SCN8A: variants seen among roughly 807,000 people sequenced by gnomAD.
SCN8A encodes sodium voltage-gated channel alpha subunit 8, also known as sodium channel protein type 8 subunit alpha.
A neutral mutation model predicts 184.1 loss-of-function variants in SCN8A; 30 were observed. That is an observed-to-expected ratio of 0.16 (90% CI 0.12 to 0.22). SCN8A has a LOEUF of 0.22. Ranked by LOEUF, SCN8A falls within the 10% of genes least tolerant of loss-of-function variation. The pLI is 1.00. For missense variants in SCN8A, 1,057 were observed against 2,498.9 expected (o/e 0.42, Z 12.30); for synonymous variants, 852 against 907.0 (o/e 0.94, Z 1.09).
At chr12:51,735,180 C>T (rs1039498053) in intron 12 of SCN8A, among the ~76,000 whole-genome samples, 5 of 152,078 alleles carry the variant, frequency 3.3e-5, no homozygotes, top group African/African-American at 7.2e-5. Context: ...GAACTTTTGC[C>T]GTACTTTTTG....
At chr12:51,712,646 A>G in intron 11 of SCN8A, 4 of 798,892 alleles carry the variant, frequency 5.0e-6, no homozygotes, top group Middle Eastern at 2.5e-4. Context: ...ACCACCGCCA[A>G]AATTTCCTCC....
chr12:51,664,093 G>A (rs777335543), intron 2 of SCN8A, among the ~76,000 whole-genome samples: 2 of 151,634 alleles, frequency 1.3e-5, no homozygotes, highest in Non-Finnish European at 2.9e-5. Context: ...GGAACCATTA[G>A]TCTGTTCTTT....
rs567442234 is a variant in SCN8A, at chr12:51,680,742, CTTTAATCCCAGCCCTT to C, written c.277-3430_277-3415del. ...TCCTGCCAGGCGCGGTGACTCACGC[CTTTAATCCCAGCCCTT>C]TGGGAGGCTGAGGCAGGCGGATCAT... On this transcript the variant is annotated intron_variant, in intron 2 of 26. Coordinates refer to ENST00000627620, the MANE Select transcript of SCN8A (RefSeq NM_001330260.2). Among the ~76,000 whole-genome samples the C allele has an allele frequency of 9.8e-5, 15 of 152,324 alleles. No individual in the cohort carries two copies. In the South Asian group the frequency reaches 1.7e-3, roughly 17 times the overall value.
chr12:51,705,191 A>T (rs1029414301), intron 9 of SCN8A, among the ~76,000 whole-genome samples: 8 of 152,140 alleles, frequency 5.3e-5, no homozygotes, highest in African/African-American at 1.9e-4. Flanking sequence ...TTTTTTTGTC[A>T]CAATGGTTGG....
At chr12:51,612,109 GA>G (rs1939732809) in intron 1 of SCN8A, among the ~76,000 whole-genome samples, 1 of 152,122 alleles carries the variant, frequency 6.6e-6, no homozygotes, top group African/African-American at 2.4e-5. Context: ...TGATTTTAGG[GA>G]AAAAACATTC....
At chr12:51,753,618 G>A (rs919833246) in intron 14 of SCN8A, among the ~76,000 whole-genome samples, 1 of 152,192 alleles carries the variant, frequency 6.6e-6, no homozygotes, top group Non-Finnish European at 1.5e-5. Flanking sequence ...TTGGAAGTCA[G>A]AAGATTTGGG....
chr12:51,809,888 A>AT lies in SCN8A; in HGVS notation c.*2465dup, dbSNP rs1440927023. 3 of 152,188 alleles carry AT rather than the reference A, an allele frequency of 2.0e-5. No homozygotes were observed. The highest frequency in any genetic ancestry group is 2.9e-5 in the Non-Finnish European group (2 of 68,030). The allele number at this position is 152,188 out of a possible 1,614,324, so 9.4% of individuals were successfully genotyped here. A position where few individuals can be genotyped will look rare whatever the true frequency, so the allele number is the denominator to read the frequency against. ...CCCAAACCAGACAGACAGACAAAAA[A>AT]TTTTTTATTGCTAATGGTCTTTTCC... is the stretch of plus-strand genomic sequence containing the variant. On this transcript the variant is annotated 3_prime_UTR_variant, in exon 27 of 27. Coordinates refer to ENST00000627620, the MANE Select transcript of SCN8A (RefSeq NM_001330260.2).
At chr12:51,609,401 A>G (rs1327466357) in intron 1 of SCN8A, among the ~76,000 whole-genome samples, 1 of 152,048 alleles carries the variant, frequency 6.6e-6, no homozygotes, top group African/African-American at 2.4e-5. Flanking sequence ...GTCCCCCACT[A>G]TTATTGTGTT....
At chr12:51,661,798 AT>A (rs1940930394) in intron 1 of SCN8A, among the ~76,000 whole-genome samples, 1 of 152,214 alleles carries the variant, frequency 6.6e-6, no homozygotes, top group South Asian at 2.1e-4. Flanking sequence ...CCAGGGATTG[AT>A]TCCTCCATTT....
At chr12:51,763,943 A>G (rs556940718) in intron 15 of SCN8A, among the ~76,000 whole-genome samples, 1 of 152,386 alleles carries the variant, frequency 6.6e-6, no homozygotes, top group East Asian at 1.9e-4. Context: ...TCACTCAGTC[A>G]AAGTCACAAA....
chr12:51,793,060 G>A (rs1938310919), intron 25 of SCN8A, among the ~76,000 whole-genome samples: 1 of 152,082 alleles, frequency 6.6e-6, no homozygotes, highest in South Asian at 2.1e-4. Context: ...TGATCCATTT[G>A]TTTTAAATCA....
chr12:51,807,547 T>G lies in SCN8A; in HGVS notation c.*118T>G. On this transcript the variant is annotated 3_prime_UTR_variant, in exon 27 of 27. Transcript: ENST00000627620. This position sits in a 1 kb window ranked among gnomAD's most constrained non-coding sequence, Gnocchi z 4.5. ...GTGGAGACTCTAACCTGAAGATCTA[T>G]ACCAAACGTCGTCTGCTTACCACGT... 1.8e-6 allele frequency: 2 copies of G among 1,128,246 alleles called. No individual in the cohort carries two copies. Among genetic ancestry groups the G allele is most frequent in the Non-Finnish European group, 2.6e-6 (2 of 775,312 alleles). 69.9% of individuals were successfully genotyped at this position (1,128,246 alleles called of 1,614,324 possible). A position where few individuals can be genotyped will look rare whatever the true frequency, so the allele number is the denominator to read the frequency against.
At chr12:51,775,535 G>A (rs896923607) in intron 20 of SCN8A, among the ~76,000 whole-genome samples, 3 of 152,150 alleles carry the variant, frequency 2.0e-5, no homozygotes, top group African/African-American at 7.2e-5. Flanking sequence ...GCCCTAGAGG[G>A]TACCAACGTG....
chr12:51,630,550 G>A (rs1017343060), intron 1 of SCN8A, among the ~76,000 whole-genome samples: 3 of 151,930 alleles, frequency 2.0e-5, no homozygotes, highest in African/African-American at 4.8e-5. Flanking sequence ...TTTGGCTATT[G>A]TGAATGATGT....
chr12:51,650,061 C>A (rs1940675433), intron 1 of SCN8A, among the ~76,000 whole-genome samples: 1 of 152,300 alleles, frequency 6.6e-6, no homozygotes, highest in South Asian at 2.1e-4. Flanking sequence ...TTCCACAGAT[C>A]TCTAGGGCAA....
At position 51,740,208 on chromosome 12, in the gene SCN8A, G is replaced by A. The variant is rs148241276; in HGVS notation, c.1999-5695G>A. On this transcript the variant is annotated intron_variant, in intron 12 of 26. Transcript: ENST00000627620. ...TATGAACATGTTACAGTGCTGCAGA[G>A]ATTTTGTTTATGGCCAGTTTTGGGG... Among the ~76,000 whole-genome samples, 808 of 152,358 alleles carry A rather than the reference G, an allele frequency of 5.3e-3. 6 individuals carry two copies. Among genetic ancestry groups the A allele is most frequent in the African/African-American group, 0.019 (776 of 41,588 alleles).
intron 14 of SCN8A, among the ~76,000 whole-genome samples, chr12:51,760,698 A>G (rs988396491): frequency 6.6e-6 from 1 of 152,216 alleles, no homozygotes; most frequent in Non-Finnish European, 1.5e-5. Context: ...ACTCAGAGGG[A>G]TGTTCCATCT....
intron 5 of SCN8A, among the ~76,000 whole-genome samples, chr12:51,687,651 C>T (rs1163719780): frequency 3.9e-5 from 6 of 152,156 alleles, no homozygotes; most frequent in Non-Finnish European, 1.5e-5. Context: ...CCAGGAGTTG[C>T]AGACTTCAGA....
intron 9 of SCN8A, among the ~76,000 whole-genome samples, chr12:51,704,459 C>T (rs1941744367): frequency 6.7e-6 from 1 of 150,118 alleles, no homozygotes; most frequent in Admixed American, 6.6e-5. Context: ...CACTTGAGGC[C>T]AGGAGTTCAA....
Sources: gnomAD v4.1 joint callset for allele counts (sites outside exome capture counted in the v4.1 genomes callset) on GRCh38, gnomAD v4.1.1 for gene constraint, Gnocchi (gnomAD v3.1) non-coding constraint, MANE v1.5 for transcripts, NCBI Gene and HGNC (gene_info 2026-07-23, HGNC 2026-07-21) for gene names.